The following ABCA9 variants were observed in gnomAD, a reference collection of about 807,000 sequenced individuals.
ABCA9 encodes the protein ATP binding cassette subfamily A member 9.
A neutral mutation model predicts 205.3 loss-of-function variants in ABCA9; 183 were observed. The ratio of observed to expected loss-of-function variants is 0.89; its 90% CI spans 0.79 to 1.01. The LOEUF (loss-of-function observed/expected upper bound fraction) is 1.01. Ranked by LOEUF, ABCA9 falls within the 50% of genes least tolerant of loss-of-function variation. The pLI is 0.00. For missense variants in ABCA9, 1,805 were observed against 1,912.4 expected (o/e 0.94, Z 1.05); for synonymous variants, 651 against 683.3 (o/e 0.95, Z 0.74).
the ABCA9 span, among the ~76,000 whole-genome samples, chr17:69,069,106 T>C: frequency 2.0e-5 from 3 of 152,232 alleles, no homozygotes; most frequent in Non-Finnish European, 2.9e-5. Flanking sequence ...GAAGTCATTA[T>C]TCGCTTTCTT....
chr17:68,993,350 A>G (rs1009523817), intron 26 of ABCA9, among the ~76,000 whole-genome samples: 4 of 152,190 alleles, frequency 2.6e-5, no homozygotes, highest in Admixed American at 6.5e-5. Context: ...TGGTGCTGGC[A>G]GGATCCTTTG....
At chr17:69,028,782 T>C (rs1217951930) in intron 11 of ABCA9, 137 bp from the exon 12 acceptor site, 1 of 482,732 alleles carries the variant, frequency 2.1e-6, no homozygotes, top group Non-Finnish European at 3.5e-6. Flanking sequence ...AAATTCTTTC[T>C]TTTAAAACTG....
intron 9 of ABCA9, chr17:69,032,805 A>G (rs1050321766): frequency 6.6e-6 from 1 of 152,410 alleles, no homozygotes; most frequent in Non-Finnish European, 1.5e-5. Context: ...AAAATTTCTT[A>G]CTTGGGAAGT....
intron 10 of ABCA9, among the ~76,000 whole-genome samples, chr17:69,030,796 CT>C (rs1377695930): frequency 5.9e-5 from 9 of 152,050 alleles, no homozygotes; most frequent in Non-Finnish European, 7.4e-5. Context: ...TAGCATTTAA[CT>C]TTCATGTTTA....
rs900374928 is a variant in ABCA9 at position 68,984,008 on chromosome 17, C to T, written c.4499+48G>A. On this transcript the variant is annotated intron_variant, in intron 35 of 38. Coordinates refer to ENST00000340001, the MANE Select transcript of ABCA9 (RefSeq NM_080283.4). ...CTGGTGCAGGGAAATAAACTTTGCT[C>T]ACAGCACACAACCTAGGGGCTGAGC... The T allele has an allele frequency of 2.5e-6, 4 of 1,610,788 alleles. No individual in the cohort carries two copies. The Admixed American group carries it at 5.0e-5, about 20-fold the overall frequency.
At chr17:68,986,655 C>T (rs896473792) in intron 31 of ABCA9, 22 of 202,188 alleles carry the variant, frequency 1.1e-4, no homozygotes, top group Non-Finnish European at 2.0e-5. Flanking sequence ...AATTCTGTTT[C>T]GCCAGTGATA....
At chr17:68,977,922 G>A (rs1420658165) in intron 37 of ABCA9, among the ~76,000 whole-genome samples, 1 of 152,150 alleles carries the variant, frequency 6.6e-6, no homozygotes, top group East Asian at 1.9e-4. Context: ...AGGTGGGAGG[G>A]AATGCTTTTG....
intron 6 of ABCA9, 140 bp from the exon 7 acceptor site, chr17:69,035,941 A>T: frequency 9.8e-7 from 1 of 1,025,026 alleles, no homozygotes; most frequent in Non-Finnish European, 1.4e-6. Context: ...CTTATCTCCT[A>T]CCCTCAGGAT....
At chr17:68,989,151 A>G (rs1051187439) in intron 30 of ABCA9, 33 bp from the exon 31 acceptor site, 6 of 1,384,024 alleles carry the variant, frequency 4.3e-6, no homozygotes, top group Non-Finnish European at 6.2e-6. Flanking sequence ...GAAATATACA[A>G]ATAATTGCAA....
At chr17:69,001,328 G>A (rs1044683554) in intron 25 of ABCA9, among the ~76,000 whole-genome samples, 9 of 152,166 alleles carry the variant, frequency 5.9e-5, no homozygotes, top group Admixed American at 4.6e-4. Context: ...TAGCATGCAA[G>A]GTTGTTGAAT....
intron 25 of ABCA9, among the ~76,000 whole-genome samples, chr17:69,007,045 C>T (rs943012191): frequency 2.6e-5 from 4 of 152,036 alleles, no homozygotes; most frequent in Non-Finnish European, 2.9e-5. Context: ...AAAAATGGGG[C>T]GTGATCAAGG....
At chr17:69,051,171 T>C (rs770892531) in intron 1 of ABCA9, 32 bp from the exon 2 acceptor site, 13 of 1,593,586 alleles carry the variant, frequency 8.2e-6, no homozygotes, top group East Asian at 4.5e-5. Context: ...ATGAAGTACA[T>C]GTGAAGGTCT....
intron 37 of ABCA9, among the ~76,000 whole-genome samples, chr17:68,980,304 T>C (rs1319144513): frequency 2.6e-5 from 4 of 152,244 alleles, no homozygotes; most frequent in African/African-American, 9.6e-5. Context: ...GGAGAGGATG[T>C]GGAGAAACAG....
chr17:68,993,116 A>T (rs1452250036), intron 26 of ABCA9, 32 bp from the exon 27 acceptor site: 12 of 1,555,628 alleles, frequency 7.7e-6, no homozygotes, highest in Non-Finnish European at 9.7e-6. Flanking sequence ...TATTCAGGTG[A>T]ACCTTCTTTA....
the ABCA9 span, among the ~76,000 whole-genome samples, chr17:69,070,205 T>G: frequency 2.7e-4 from 41 of 152,106 alleles, no homozygotes; most frequent in Non-Finnish European, 4.1e-4. Flanking sequence ...TTTAATTACA[T>G]AAAATGCTTA....
chr17:68,987,448 G>A (rs1407061289), intron 31 of ABCA9, among the ~76,000 whole-genome samples: 1 of 152,222 alleles, frequency 6.6e-6, no homozygotes, highest in Non-Finnish European at 1.5e-5. Context: ...AAGAATAACA[G>A]GGAGGATTTA....
intron 30 of ABCA9, 121 bp from the exon 31 acceptor site, chr17:68,989,239 A>AT: frequency 2.2e-6 from 1 of 459,078 alleles, no homozygotes; most frequent in Admixed American, 3.4e-5. Context: ...TATTTCCCTT[A>AT]TTCCTCTCTC....
At position 69,032,169 on chromosome 17, in the gene ABCA9, G is replaced by T. The variant is rs2071172203; in HGVS notation, c.1384C>A (p.Pro462Thr). The change falls in exon 10 of 39, where the codon CCT becomes ACT. Residue 462 changes from proline (P) to threonine (T), a missense_variant. Coordinates refer to ENST00000340001, the MANE Select transcript of ABCA9 (RefSeq NM_080283.4). Reference protein sequence around the residue: ...VVLENETDSDPTPNDCFEPVS... With the variant: ...VVLENETDSDTTPNDCFEPVS... ...GGTTCAAAACAGTCATTAGGTGTAG[G>T]ATCAGAATCTGTTTCATTCTCAAGG... The T allele has an allele frequency of 2.5e-6, 4 of 1,613,992 alleles. No individual in the cohort carries two copies. Among genetic ancestry groups the T allele is most frequent in the Non-Finnish European group, 3.4e-6 (4 of 1,179,924 alleles).
intron 6 of ABCA9, among the ~76,000 whole-genome samples, chr17:69,037,148 C>G (rs891426006): frequency 1.3e-5 from 2 of 152,000 alleles, no homozygotes; most frequent in African/African-American, 4.8e-5. Flanking sequence ...CAATATTAGA[C>G]AGATCAATGT....
Sources: gnomAD v4.1 joint callset for allele counts (sites outside exome capture counted in the v4.1 genomes callset) on GRCh38, gnomAD v4.1.1 for gene constraint, MANE v1.5 for transcripts, NCBI Gene and HGNC (gene_info 2026-07-23, HGNC 2026-07-21) for gene names.